The following GSAP variants were observed in gnomAD, a reference collection of about 807,000 sequenced individuals.
The protein encoded by GSAP is gamma-secretase activating protein, also known as gamma-secretase-activating protein.
A neutral mutation model predicts 131.7 loss-of-function variants in GSAP; 118 were observed. That is an observed-to-expected ratio of 0.90 (90% CI 0.77 to 1.04). The LOEUF is 1.04. GSAP is among the 50% of genes least tolerant of loss of function. The pLI is 0.00. For synonymous variants in GSAP, 381 were observed against 363.4 expected, an observed-to-expected ratio of 1.05 and a Z score of -0.55; for missense variants, 1,019 against 1,013.2, an observed-to-expected ratio of 1.01 and a Z score of -0.08.
rs1349631489 is a variant in GSAP at position 77,314,471 on chromosome 7, G to C, written c.2108C>G (p.Thr703Ser). The change falls in exon 27 of 31, where the codon ACC becomes AGC. Residue 703 changes from threonine (T) to serine (S), a missense_variant. By Grantham distance (58) the Thr-to-Ser change is moderately conservative. Transcript: ENST00000257626. ...AGGGAGACACTGGACCCCGAGGATG[G>C]TGTGCAGAGTATGAAAACCTAGGAT... ...PLPPGFHTLH[T>S]ILGVQCLPLH... The C allele has an allele frequency of 6.2e-7, 1 of 1,613,788 alleles. No individual in the cohort carries two copies.
intron 3 of GSAP, among the ~76,000 whole-genome samples, chr7:77,398,953 A>T (rs1800876929): frequency 1.3e-5 from 2 of 152,242 alleles, no homozygotes; most frequent in African/African-American, 2.4e-5. Context: ...TTCATGTAAC[A>T]ACATGTTTTG....
rs192378863 is a variant in GSAP, at chr7:77,386,280, G to A, written c.456+1080C>T. Among the ~76,000 whole-genome samples the A allele has an allele frequency of 5.4e-3, 827 of 152,122 alleles. 5 individuals carry two copies. The highest frequency in any genetic ancestry group is 6.9e-3 in the Non-Finnish European group (472 of 67,984). On this transcript the variant is annotated intron_variant, in intron 6 of 30. Transcript: ENST00000257626. ...TAGTCCACTTTATACAATAAAATAG[G>A]CAATAATAACATACACAGTTTTGAA...
intron 14 of GSAP, among the ~76,000 whole-genome samples, chr7:77,359,092 C>T (rs953354363): frequency 6.6e-6 from 1 of 151,938 alleles, no homozygotes; most frequent in African/African-American, 2.4e-5. Context: ...GAGGCTGAGG[C>T]AGAGGTGGAG....
intron 7 of GSAP, among the ~76,000 whole-genome samples, chr7:77,381,655 G>C (rs551962047): frequency 6.6e-6 from 1 of 152,004 alleles, no homozygotes. Context: ...GCAAGTACTT[G>C]ACTCCCCTAT....
chr7:77,398,724 T>C lies in GSAP; in HGVS notation c.244-1309A>G, dbSNP rs368454627. Among the ~76,000 whole-genome samples the C allele has an allele frequency of 3.7e-4, 56 of 152,136 alleles. 1 individual carries two copies. In the East Asian group the frequency reaches 9.7e-3, roughly 26 times the overall value. ...TCAAGACTGCTGTGAGCCGTGATTG[T>C]GCCACTGCACTCCAGCCCAAGTGAC... On this transcript the variant is annotated intron_variant, in intron 3 of 30. Coordinates refer to ENST00000257626, the MANE Select transcript of GSAP (RefSeq NM_017439.4).
chr7:77,369,553 T>C (rs544717769), intron 12 of GSAP, among the ~76,000 whole-genome samples: 59 of 152,200 alleles, frequency 3.9e-4, no homozygotes, highest in Admixed American at 9.8e-4. Flanking sequence ...CAAAATGTGA[T>C]AGCAAAATGT....
intron 21 of GSAP, 137 bp from the exon 22 acceptor site, chr7:77,328,774 A>G: frequency 1.6e-6 from 1 of 619,950 alleles, no homozygotes; most frequent in South Asian, 2.2e-5. Context: ...TGAAAACCTC[A>G]AAAACTTTGA....
At chr7:77,396,202 T>C (rs1800358159) in intron 5 of GSAP, among the ~76,000 whole-genome samples, 2 of 152,114 alleles carry the variant, frequency 1.3e-5, no homozygotes, top group South Asian at 2.1e-4. Flanking sequence ...TCTTGAACTT[T>C]TTTTTTTTCG....
Position 77,374,602 on chromosome 7 carries a change from G to A in GSAP, c.786-447C>T, listed in dbSNP as rs112303546. On this transcript the variant is annotated intron_variant, in intron 11 of 30. Transcript: ENST00000257626. ...GTTCCCGCTACATGTAAAATAGAGTGGGAAAAGGAAAAAAACCTTGTCTTT... is the reference window on the plus strand; with the variant it reads ...GTTCCCGCTACATGTAAAATAGAGTAGGAAAAGGAAAAAAACCTTGTCTTT... Among the ~76,000 whole-genome samples, 1,066 of 151,122 alleles carry A rather than the reference G, an allele frequency of 7.1e-3. 15 individuals carry two copies. The highest frequency in any genetic ancestry group is 0.025 in the African/African-American group (1,027 of 41,198).
At chr7:77,416,380 C>A, upstream of GSAP, 1 of 926,380 alleles carries the variant, frequency 1.1e-6, no homozygotes, top group Non-Finnish European at 1.5e-6. Flanking sequence ...TTCCCGGCCC[C>A]GCGTGGCCGC....
chr7:77,406,166 T>C, intron 1 of GSAP, 61 bp from the exon 2 acceptor site: 1 of 988,402 alleles, frequency 1.0e-6, no homozygotes, highest in African/African-American at 1.7e-5. Context: ...ATCTAACCAA[T>C]ATATTAGTGA....
intron 3 of GSAP, among the ~76,000 whole-genome samples, chr7:77,400,986 T>G (rs186223783): frequency 6.8e-6 from 1 of 147,874 alleles, no homozygotes; most frequent in East Asian, 2.0e-4. Flanking sequence ...CTCAACAACA[T>G]AGTGGAGAGG....
chr7:77,371,818 G>A (rs1169784029), intron 12 of GSAP, among the ~76,000 whole-genome samples: 5 of 152,222 alleles, frequency 3.3e-5, no homozygotes, highest in African/African-American at 9.6e-5. Context: ...AGACGCTTCA[G>A]TGAAGGAGTA....
intron 9 of GSAP, 32 bp downstream of exon 9, chr7:77,377,254 A>G: frequency 7.0e-7 from 1 of 1,419,832 alleles, no homozygotes. Flanking sequence ...AAAAAAAAAA[A>G]AAAAGGAGTG....
At chr7:77,334,579 T>TAAAAAAAAAAAA (rs1200040086) in intron 19 of GSAP, among the ~76,000 whole-genome samples, 1,383 of 82,110 alleles carry the variant, frequency 0.017, 107 homozygotes, top group Non-Finnish European at 0.021. Flanking sequence ...AACTTAAAAT[T>TAAAAAAAAAAAA]TAAAAAAAAA....
At chr7:77,399,584 G>A (rs1447679281) in intron 3 of GSAP, among the ~76,000 whole-genome samples, 1 of 151,998 alleles carries the variant, frequency 6.6e-6, no homozygotes, top group Non-Finnish European at 1.5e-5. Context: ...GGTGAGGAAG[G>A]AAAGCTATTG....
intron 8 of GSAP, 75 bp downstream of exon 8, chr7:77,381,230 C>A: frequency 1.4e-6 from 1 of 701,992 alleles, no homozygotes; most frequent in South Asian, 2.1e-5. Context: ...ATAACATTAT[C>A]TTTAGCAGTC....
rs150052117 is a variant in GSAP, at chr7:77,339,064, A to G, written c.1546-8697T>C. ...GGAAGCAAGCACACACTCTTACGTAATTTGTGATTGAGGTCACGAGTGTCC... is the reference window on the plus strand; with the variant it reads ...GGAAGCAAGCACACACTCTTACGTAGTTTGTGATTGAGGTCACGAGTGTCC... On this transcript the variant is annotated intron_variant, in intron 19 of 30. Coordinates refer to ENST00000257626, the MANE Select transcript of GSAP (RefSeq NM_017439.4). Among the ~76,000 whole-genome samples, 134 of 152,258 alleles carry G rather than the reference A, an allele frequency of 8.8e-4. 4 individuals carry two copies. Among genetic ancestry groups the G allele is most frequent in the Admixed American group, 6.6e-3 (101 of 15,292 alleles).
intron 16 of GSAP, among the ~76,000 whole-genome samples, chr7:77,354,782 C>A (rs891666082): frequency 6.6e-6 from 1 of 151,436 alleles, no homozygotes; most frequent in Admixed American, 6.6e-5. Context: ...ACACAGAATG[C>A]ACGTGGAAGT....
Sources: gnomAD v4.1 joint callset for allele counts (sites outside exome capture counted in the v4.1 genomes callset) on GRCh38, gnomAD v4.1.1 for gene constraint, MANE v1.5 for transcripts, NCBI Gene and HGNC (gene_info 2026-07-23, HGNC 2026-07-21) for gene names.